Variants in DLGAP4 observed in about 807,000 individuals in gnomAD.
DLGAP4 encodes the protein disks large-associated protein 4.
In DLGAP4, 18 loss-of-function variants were observed where a neutral mutation model predicts 86.9. The observed-to-expected ratio is 0.21, with a 90% CI of 0.14 to 0.31. The LOEUF (loss-of-function observed/expected upper bound fraction) is 0.31, where lower values mean the gene tolerates loss of function less well. DLGAP4 is among the 10% of genes least tolerant of loss of function. The pLI is 1.00. For synonymous variants in DLGAP4, 548 were observed against 574.3 expected (o/e 0.95, Z 0.65); for missense variants, 1,085 against 1,362.6 (o/e 0.80, Z 3.21).
intron 7 of DLGAP4, among the ~76,000 whole-genome samples, chr20:36,470,514 A>G (rs1480979657): frequency 1.3e-5 from 2 of 151,880 alleles, no homozygotes; most frequent in African/African-American, 2.4e-5. Flanking sequence ...TGTGTGTAAA[A>G]GTTATATTTT....
intron 2 of DLGAP4, among the ~76,000 whole-genome samples, chr20:36,412,402 G>C (rs1355855917): frequency 5.3e-5 from 8 of 152,202 alleles, no homozygotes; most frequent in Non-Finnish European, 1.5e-5. Context: ...TGTGTCCCCT[G>C]AGCATGGCCC....
intron 1 of DLGAP4, among the ~76,000 whole-genome samples, chr20:36,315,040 G>GTTGTGTT (rs2065084671): frequency 3.0e-3 from 9 of 3,044 alleles, no homozygotes; most frequent in African/African-American, 0.012. Context: ...ATGTGTGTGT[G>GTTGTGTT]GTGTGTTGCG....
At chr20:36,317,710 C>A (rs1008912198) in intron 1 of DLGAP4, among the ~76,000 whole-genome samples, 2 of 152,050 alleles carry the variant, frequency 1.3e-5, no homozygotes, top group East Asian at 3.9e-4. Context: ...TTCTCTCCAG[C>A]CTCCCCAGTT....
chr20:36,481,635 A>G (rs2035190459), intron 7 of DLGAP4, among the ~76,000 whole-genome samples: 1 of 152,106 alleles, frequency 6.6e-6, no homozygotes, highest in South Asian at 2.1e-4. Context: ...GACAAGGACT[A>G]CTCATTCTGG....
chr20:36,405,966 G>C (rs527615965), intron 2 of DLGAP4, among the ~76,000 whole-genome samples: 1 of 152,262 alleles, frequency 6.6e-6, no homozygotes, highest in South Asian at 2.1e-4. Flanking sequence ...GAAAGTATTG[G>C]TGCCACCGGG....
intron 2 of DLGAP4, among the ~76,000 whole-genome samples, chr20:36,430,293 C>T (rs889424873): frequency 3.3e-5 from 5 of 152,192 alleles, no homozygotes; most frequent in Admixed American, 6.5e-5. Context: ...TCCAGGCCAT[C>T]TTTGCTTCAT....
chr20:36,526,693 G>A (rs758809534), intron 12 of DLGAP4, 120 bp from the exon 13 acceptor site: 54 of 889,776 alleles, frequency 6.1e-5, no homozygotes, highest in Non-Finnish European at 7.6e-5. Flanking sequence ...TGTGTTGCTT[G>A]TGCCCGATGC....
At chr20:36,336,915 C>G (rs1214301048) in intron 1 of DLGAP4, among the ~76,000 whole-genome samples, 2 of 152,228 alleles carry the variant, frequency 1.3e-5, no homozygotes, top group African/African-American at 4.8e-5. Flanking sequence ...AGCCCGCACC[C>G]AGTCTCCCAT....
intron 1 of DLGAP4, among the ~76,000 whole-genome samples, chr20:36,330,727 C>A (rs1304352534): frequency 6.6e-6 from 1 of 152,044 alleles, no homozygotes; most frequent in Non-Finnish European, 1.5e-5. Flanking sequence ...CGCCCGCCAC[C>A]ACACCCGGCT....
intron 7 of DLGAP4, among the ~76,000 whole-genome samples, chr20:36,466,212 C>T (rs1436599467): frequency 6.6e-6 from 1 of 152,200 alleles, no homozygotes; most frequent in Non-Finnish European, 1.5e-5. Context: ...TGAGAGGACC[C>T]TGGTTTGCAT....
At chr20:36,331,314 G>T (rs1379873460) in intron 1 of DLGAP4, among the ~76,000 whole-genome samples, 1 of 152,064 alleles carries the variant, frequency 6.6e-6, no homozygotes, top group Admixed American at 6.5e-5. Context: ...TTGGGGTCAG[G>T]TGCCCAGCCA....
At chr20:36,436,005 G>A in intron 3 of DLGAP4, 104 bp from the exon 4 acceptor site, 3 of 1,413,722 alleles carry the variant, frequency 2.1e-6, no homozygotes, top group South Asian at 1.6e-5. Context: ...ACGTGAGCCC[G>A]AATTCTGCAG....
Position 36,489,015 on chromosome 20 carries a change from C to G in DLGAP4, c.1649-7690C>G, listed in dbSNP as rs183942554. Among the ~76,000 whole-genome samples, 19 of 152,336 alleles carry G rather than the reference C, an allele frequency of 1.2e-4. No individual in the cohort carries two copies. The East Asian group carries it at 3.5e-3, about 28-fold the overall frequency. Reference sequence around the variant, plus strand: ...GCCTTCTTGCACTGAGAACACTGGGCAGTGCTTCAGCATTATGTAGGTGCC... The same window carrying G: ...GCCTTCTTGCACTGAGAACACTGGGGAGTGCTTCAGCATTATGTAGGTGCC... On this transcript the variant is annotated intron_variant, in intron 7 of 12. Coordinates refer to ENST00000339266, the MANE Select transcript of DLGAP4 (RefSeq NM_001365621.2).
At chr20:36,332,633 G>A (rs528756186) in intron 1 of DLGAP4, among the ~76,000 whole-genome samples, 37 of 151,984 alleles carry the variant, frequency 2.4e-4, no homozygotes, top group African/African-American at 9.7e-5. Flanking sequence ...CAAGTGATCC[G>A]CCCGCCTGTG....
At position 36,497,030 on chromosome 20, in the gene DLGAP4, C is replaced by T. The variant is rs113135989; in HGVS notation, c.1974C>T (p.Ala658=). ...CCAGCTCTGAGTCCCACCCCGAGGC[C>T]GCCCCCAAAAGGAAACTGTCATCGA... ...TLTSSESHPE[A]APKRKLSSIG... Residue 658 remains alanine (A), a synonymous_variant, in exon 8 of 13, where the codon GCC becomes GCT. Transcript: ENST00000339266. The T allele has an allele frequency of 2.2e-4, 359 of 1,609,632 alleles. 2 individuals carry two copies. In the African/African-American group the frequency reaches 2.9e-3, roughly 13 times the overall value.
intron 1 of DLGAP4, among the ~76,000 whole-genome samples, chr20:36,321,566 G>T (rs2065168635): frequency 6.6e-6 from 1 of 152,262 alleles, no homozygotes; most frequent in South Asian, 2.1e-4. Flanking sequence ...TCAGCGCCTG[G>T]TGAGGCGCTC....
intron 7 of DLGAP4, chr20:36,461,870 G>T (rs1042138082): frequency 1.1e-5 from 11 of 983,894 alleles, no homozygotes; most frequent in Non-Finnish European, 1.3e-5. Flanking sequence ...CTGCCCTCGC[G>T]CTCCTCCGCA....
intron 2 of DLGAP4, among the ~76,000 whole-genome samples, chr20:36,388,850 C>T (rs2031693258): frequency 6.6e-6 from 1 of 152,226 alleles, no homozygotes; most frequent in African/African-American, 2.4e-5. Context: ...TCCATGCCTA[C>T]CCATCAGAAG....
At chr20:36,433,344 G>A (rs149121683) in intron 3 of DLGAP4, among the ~76,000 whole-genome samples, 1 of 152,344 alleles carries the variant, frequency 6.6e-6, no homozygotes, top group East Asian at 1.9e-4. Context: ...CCAGCTTGGG[G>A]GAATAGCTTT....
Sources: gnomAD v4.1 joint callset for allele counts (sites outside exome capture counted in the v4.1 genomes callset) on GRCh38, gnomAD v4.1.1 for gene constraint, MANE v1.5 for transcripts, NCBI Gene and HGNC (gene_info 2026-07-23, HGNC 2026-07-21) for gene names.